Variants in CPED1 observed in about 807,000 individuals in gnomAD.
CPED1 encodes the protein cadherin-like and PC-esterase domain-containing protein 1.
Under a neutral mutation model 128.2 loss-of-function variants are expected in CPED1, and 114 were observed. That is an observed-to-expected ratio of 0.89 (90% CI 0.76 to 1.04). The LOEUF (loss-of-function observed/expected upper bound fraction) is 1.04, where lower values mean the gene tolerates loss of function less well. CPED1 is among the 50% of genes least tolerant of loss of function. The probability of loss-of-function intolerance (pLI) is 0.00; values close to 1 mark genes in which losing one functional copy is unlikely to be tolerated. For synonymous variants in CPED1, 462 were observed against 426.7 expected, an observed-to-expected ratio of 1.08 and a Z score of -1.02; for missense variants, 1,211 against 1,207.1, an observed-to-expected ratio of 1.00 and a Z score of -0.05.
intron 3 of CPED1, among the ~76,000 whole-genome samples, chr7:121,040,825 A>G (rs1264941481): frequency 2.0e-5 from 3 of 152,050 alleles, no homozygotes; most frequent in African/African-American, 7.2e-5. Context: ...ATGGAATATG[A>G]TAGTTTAATA....
intron 16 of CPED1, among the ~76,000 whole-genome samples, chr7:121,194,018 CTCTCTATATATA>C (rs1329681204): frequency 4.2e-5 from 3 of 71,526 alleles, no homozygotes; most frequent in African/African-American, 1.0e-4. Flanking sequence ...CTCTCTCTCT[CTCTCTATATATA>C]TATATATATA....
chr7:121,293,073 C>T (rs1036449922), intron 22 of CPED1, among the ~76,000 whole-genome samples: 3 of 152,168 alleles, frequency 2.0e-5, no homozygotes, highest in African/African-American at 4.8e-5. Flanking sequence ...CTGCTCTCTT[C>T]GGAGCCAGCA....
intron 2 of CPED1, among the ~76,000 whole-genome samples, chr7:121,000,128 T>A (rs1791798510): frequency 6.6e-6 from 1 of 152,170 alleles, no homozygotes; most frequent in African/African-American, 2.4e-5. Flanking sequence ...TGTGGCCTTT[T>A]GGGGTGAAAG....
intron 16 of CPED1, among the ~76,000 whole-genome samples, chr7:121,155,692 T>C (rs1025231428): frequency 1.3e-5 from 2 of 152,200 alleles, no homozygotes; most frequent in Admixed American, 1.3e-4. Context: ...ATTTCTCATA[T>C]GCAAAAATCA....
At chr7:121,133,428 A>G (rs1795717572) in intron 12 of CPED1, among the ~76,000 whole-genome samples, 1 of 152,102 alleles carries the variant, frequency 6.6e-6, no homozygotes, top group African/African-American at 2.4e-5. Flanking sequence ...TTCTTCAATT[A>G]AATGTATGTT....
At chr7:120,995,300 C>T (rs1796378733) in intron 2 of CPED1, among the ~76,000 whole-genome samples, 1 of 152,196 alleles carries the variant, frequency 6.6e-6, no homozygotes, top group Non-Finnish European at 1.5e-5. Context: ...TCCTTCTTCT[C>T]TGAGGCATGT....
At chr7:121,148,264 G>A (rs1226725482) in intron 16 of CPED1, among the ~76,000 whole-genome samples, 3 of 152,146 alleles carry the variant, frequency 2.0e-5, no homozygotes, top group African/African-American at 7.2e-5. Flanking sequence ...TTTGTTCTGA[G>A]AAATATGCTA....
intron 16 of CPED1, among the ~76,000 whole-genome samples, chr7:121,159,676 A>T (rs1407519918): frequency 2.0e-5 from 3 of 152,118 alleles, no homozygotes; most frequent in Non-Finnish European, 4.4e-5. Context: ...ATGGTGAAAT[A>T]ATTGTGGTAT....
intron 5 of CPED1, among the ~76,000 whole-genome samples, chr7:121,088,077 T>C (rs1405912283): frequency 2.0e-5 from 3 of 152,188 alleles, no homozygotes; most frequent in Admixed American, 6.5e-5. Flanking sequence ...TGATAAGAAA[T>C]AGCAAGATAT....
chr7:121,232,549 A>G (rs980127170), intron 16 of CPED1, among the ~76,000 whole-genome samples: 4 of 152,068 alleles, frequency 2.6e-5, no homozygotes, highest in Non-Finnish European at 5.9e-5. Context: ...GATCTCAAAT[A>G]TATCTTACTT....
chr7:121,185,285 G>T (rs983384461), intron 16 of CPED1, among the ~76,000 whole-genome samples: 2 of 152,056 alleles, frequency 1.3e-5, no homozygotes, highest in Admixed American at 1.3e-4. Flanking sequence ...TACAGAGATG[G>T]CAAAAGATGC....
At chr7:121,078,179 G>A (rs1156599731) in intron 5 of CPED1, among the ~76,000 whole-genome samples, 1 of 151,870 alleles carries the variant, frequency 6.6e-6, no homozygotes. Flanking sequence ...CGAGTAGCTG[G>A]GACTATAGGT....
intron 2 of CPED1, among the ~76,000 whole-genome samples, chr7:120,992,912 G>A (rs1049162450): frequency 6.6e-6 from 1 of 152,190 alleles, no homozygotes; most frequent in Non-Finnish European, 1.5e-5. Flanking sequence ...CTGGTTCAAT[G>A]TGTAAAGCTG....
chr7:121,216,297 A>G (rs1797758808), intron 16 of CPED1, among the ~76,000 whole-genome samples: 1 of 151,982 alleles, frequency 6.6e-6, no homozygotes, highest in African/African-American at 2.4e-5. Flanking sequence ...CCTTGTTGCC[A>G]TCTCCTAGCC....
At chr7:121,070,528 G>C (rs1793957896) in intron 5 of CPED1, among the ~76,000 whole-genome samples, 1 of 152,058 alleles carries the variant, frequency 6.6e-6, no homozygotes, top group Non-Finnish European at 1.5e-5. Flanking sequence ...GTAAGCTGAT[G>C]GAACTAATTC....
Position 121,127,229 on chromosome 7 carries a change from A to G in CPED1, c.1274A>G (p.Gln425Arg). 6.3e-7 allele frequency: 1 copy of G among 1,588,858 alleles called. No individual in the cohort carries two copies. The highest frequency in any genetic ancestry group is 1.7e-4 in the Middle Eastern group (1 of 5,794). Residue 425 changes from glutamine (Q) to arginine (R), a missense_variant, in exon 10 of 23, where the codon CAG becomes CGG. Physicochemically the swap from Gln to Arg is conservative, Grantham distance 43. Transcript: ENST00000310396. Reference sequence around the variant, plus strand: ...CTTTCCATATTTTCTGAGATATTTCAGAGACTTTATAGATCAGATGTTTTC... The same window carrying G: ...CTTTCCATATTTTCTGAGATATTTCGGAGACTTTATAGATCAGATGTTTTC... ...SSLSIFSEIF[Q>R]RLYRSDVFKG...
At chr7:121,011,832 T>C (rs2116800154) in intron 2 of CPED1, among the ~76,000 whole-genome samples, 1 of 152,318 alleles carries the variant, frequency 6.6e-6, no homozygotes, top group East Asian at 1.9e-4. Context: ...AAAATGCTTT[T>C]TAGGACATAG....
intron 16 of CPED1, among the ~76,000 whole-genome samples, chr7:121,202,453 T>G (rs1237658900): frequency 6.6e-6 from 1 of 152,156 alleles, no homozygotes; most frequent in Non-Finnish European, 1.5e-5. Flanking sequence ...GGGAGAGCCA[T>G]GGGCATCTTT....
chr7:121,236,620 AG>A, intron 16 of CPED1, 93 bp from the exon 17 acceptor site: 1 of 635,746 alleles, frequency 1.6e-6, no homozygotes, highest in Non-Finnish European at 2.6e-6. Context: ...TTATCCATAA[AG>A]GTTATTTGCC....
Sources: gnomAD v4.1 joint callset for allele counts (sites outside exome capture counted in the v4.1 genomes callset) on GRCh38, gnomAD v4.1.1 for gene constraint, MANE v1.5 for transcripts, NCBI Gene and HGNC (gene_info 2026-07-23, HGNC 2026-07-21) for gene names.